PDGFC: variants seen among roughly 807,000 people sequenced by gnomAD.
PDGFC encodes platelet derived growth factor C.
In PDGFC, 12 loss-of-function variants were observed where a neutral mutation model predicts 35.5. The ratio of observed to expected loss-of-function variants is 0.34; its 90% CI spans 0.22 to 0.55. PDGFC has a LOEUF of 0.55. Among genes scored for constraint, PDGFC ranks in the 20% least tolerant of loss-of-function variants. The pLI is 0.91. For missense variants in PDGFC, 322 were observed against 412.4 expected, an observed-to-expected ratio of 0.78 and a Z score of 1.90; for synonymous variants, 159 against 148.8, an observed-to-expected ratio of 1.07 and a Z score of -0.50.
At chr4:156,793,702 C>T (rs1458185635) in intron 3 of PDGFC, among the ~76,000 whole-genome samples, 1 of 151,442 alleles carries the variant, frequency 6.6e-6, no homozygotes, top group African/African-American at 2.4e-5. Context: ...TGTCAATAAA[C>T]CTGACCTTAA....
At chr4:156,864,605 T>C (rs1045565032) in intron 1 of PDGFC, among the ~76,000 whole-genome samples, 3 of 152,150 alleles carry the variant, frequency 2.0e-5, no homozygotes, top group African/African-American at 7.2e-5. Flanking sequence ...TAGATGGCCT[T>C]TTTCTGTGCT....
At chr4:156,860,201 T>C (rs1729677246) in intron 1 of PDGFC, among the ~76,000 whole-genome samples, 1 of 152,308 alleles carries the variant, frequency 6.6e-6, no homozygotes, top group Non-Finnish European at 1.5e-5. Context: ...TTCAACATTA[T>C]TGAAAAATAC....
At chr4:156,897,361 T>TGTGTGTGTGTGC (rs1232299972) in intron 1 of PDGFC, among the ~76,000 whole-genome samples, 1 of 151,316 alleles carries the variant, frequency 6.6e-6, no homozygotes, top group Non-Finnish European at 1.5e-5. Flanking sequence ...TGTGTGTGTG[T>TGTGTGTGTGTGC]GTGTGTGTGT....
chr4:156,833,270 C>T (rs1728987496), intron 2 of PDGFC, among the ~76,000 whole-genome samples: 1 of 152,174 alleles, frequency 6.6e-6, no homozygotes, highest in Non-Finnish European at 1.5e-5. Flanking sequence ...TTCGCTGAGG[C>T]AGAGACTATG....
chr4:156,878,073 T>C (rs939876545), intron 1 of PDGFC, among the ~76,000 whole-genome samples: 3 of 152,222 alleles, frequency 2.0e-5, no homozygotes, highest in Non-Finnish European at 4.4e-5. Flanking sequence ...CTTACCACCA[T>C]GCCCCAAGGC....
rs1322214128 is a variant in PDGFC at position 156,849,153 on chromosome 4, C to T, written c.314+1068G>A. Among the ~76,000 whole-genome samples, 5 of 151,894 alleles carry T rather than the reference C, an allele frequency of 3.3e-5. No individual in the cohort carries two copies. In the East Asian group the frequency reaches 9.7e-4, roughly 29 times the overall value. On this transcript the variant is annotated intron_variant, in intron 2 of 5. Transcript: ENST00000502773. ...AATGGGTTTAGCATTTGTTTAGGTA[C>T]CAAATCTGAACGAGATCTAGGGCAT...
intron 3 of PDGFC, among the ~76,000 whole-genome samples, chr4:156,808,064 T>C (rs1731820178): frequency 1.3e-5 from 2 of 152,002 alleles, no homozygotes; most frequent in South Asian, 4.1e-4. Flanking sequence ...GCGTAATATA[T>C]TAGGACAGCA....
In PDGFC at chr4:156,825,581, T is replaced by TAAG. The variant is rs1485958597; in HGVS notation, c.315-14565_315-14564insCTT. 7.6e-3 allele frequency among the ~76,000 whole-genome samples: 700 copies of TAAG among 92,384 alleles called. 2 individuals are homozygous for TAAG. Among genetic ancestry groups the TAAG allele is most frequent in the East Asian group, 9.8e-3 (32 of 3,270 alleles). 60.6% of individuals were successfully genotyped at this position (92,384 alleles called of 152,430 possible). A position where few individuals can be genotyped will look rare whatever the true frequency, so the allele number is the denominator to read the frequency against. ...ATAATAATAATAATAATAATAATAA[T>TAAG]AATAATAATAATAAGAAGAAGAAGA... On this transcript the variant is annotated intron_variant, in intron 2 of 5. Coordinates refer to ENST00000502773, the MANE Select transcript of PDGFC (RefSeq NM_016205.3).
intron 4 of PDGFC, among the ~76,000 whole-genome samples, chr4:156,769,718 A>G (rs1484162484): frequency 6.6e-6 from 1 of 152,016 alleles, no homozygotes; most frequent in African/African-American, 2.4e-5. Flanking sequence ...AATAAAAGTA[A>G]TGAGCTCATT....
intron 1 of PDGFC, among the ~76,000 whole-genome samples, chr4:156,884,476 G>T (rs1175565238): frequency 2.0e-5 from 3 of 152,164 alleles, no homozygotes; most frequent in Non-Finnish European, 1.5e-5. Flanking sequence ...CTGACTCACA[G>T]ATAGGAGTTT....
intron 1 of PDGFC, among the ~76,000 whole-genome samples, chr4:156,896,806 C>T (rs1046579775): frequency 1.3e-5 from 2 of 152,120 alleles, no homozygotes; most frequent in Non-Finnish European, 2.9e-5. Context: ...TATAGGCGGC[C>T]ACTAAAAGAC....
intron 2 of PDGFC, among the ~76,000 whole-genome samples, chr4:156,835,094 C>A (rs1013394161): frequency 6.6e-6 from 1 of 152,092 alleles, no homozygotes; most frequent in African/African-American, 2.4e-5. Context: ...TCGGAGAGGG[C>A]TGCTACAGAA....
At chr4:156,766,865 C>T (rs1730544172) in intron 5 of PDGFC, among the ~76,000 whole-genome samples, 2 of 151,934 alleles carry the variant, frequency 1.3e-5, no homozygotes, top group Admixed American at 6.6e-5. Flanking sequence ...TTCTAGAGCT[C>T]GGCTTTCACT....
At chr4:156,961,836 G>A (rs1732350524) in intron 1 of PDGFC, among the ~76,000 whole-genome samples, 2 of 152,130 alleles carry the variant, frequency 1.3e-5, no homozygotes, top group Admixed American at 6.6e-5. Context: ...TTTTGTGAAT[G>A]AAGTGTGAAA....
chr4:156,777,228 A>T (rs2110833377), intron 3 of PDGFC, among the ~76,000 whole-genome samples: 1 of 152,308 alleles, frequency 6.6e-6, no homozygotes, highest in Non-Finnish European at 1.5e-5. Context: ...GCTTATAAAT[A>T]GAAGCAGTAT....
Position 156,848,676 on chromosome 4 carries a change from C to T in PDGFC, c.314+1545G>A, listed in dbSNP as rs867368029. Among the ~76,000 whole-genome samples the T allele has an allele frequency of 2.6e-5, 4 of 151,786 alleles. No homozygotes were observed. The South Asian group carries it at 8.3e-4, about 32-fold the overall frequency. ...CCATTGATACATATTTCAAAACAGC[C>T]AAGGAATTAACTATTTTTGTAAGAT... On this transcript the variant is annotated intron_variant, in intron 2 of 5. Transcript: ENST00000502773.
At chr4:156,969,615 A>G (rs1028996268) in intron 1 of PDGFC, among the ~76,000 whole-genome samples, 2 of 152,296 alleles carry the variant, frequency 1.3e-5, no homozygotes, top group South Asian at 2.1e-4. Context: ...AAACACCCCA[A>G]TATGAAAAGG....
intron 1 of PDGFC, among the ~76,000 whole-genome samples, chr4:156,897,460 A>T (rs959507732): frequency 6.6e-6 from 1 of 151,904 alleles, no homozygotes; most frequent in Non-Finnish European, 1.5e-5. Flanking sequence ...CTCTCTCTAC[A>T]CATACACTTT....
At chr4:156,956,858 AG>A (rs946062512) in intron 1 of PDGFC, among the ~76,000 whole-genome samples, 8 of 152,036 alleles carry the variant, frequency 5.3e-5, no homozygotes, top group African/African-American at 1.9e-4. Flanking sequence ...AGAGCAGCCC[AG>A]ATTATGAGAC....
Sources: gnomAD v4.1 joint callset for allele counts (sites outside exome capture counted in the v4.1 genomes callset) on GRCh38, gnomAD v4.1.1 for gene constraint, MANE v1.5 for transcripts, NCBI Gene and HGNC (gene_info 2026-07-23, HGNC 2026-07-21) for gene names.